IDO2: variants seen among roughly 807,000 people sequenced by gnomAD.
IDO2 encodes the protein indoleamine 2,3-dioxygenase 2.
A neutral mutation model predicts 45.1 loss-of-function variants in IDO2; 46 were observed. That is an observed-to-expected ratio of 1.02 (90% CI 0.80 to 1.30). The LOEUF is 1.30. Ranked by LOEUF, IDO2 falls within the 50% of genes most tolerant of loss-of-function variation. IDO2 has a pLI of 0.00. For missense variants in IDO2, 544 were observed against 491.8 expected (o/e 1.11, Z -1.00); for synonymous variants, 218 against 184.9 (o/e 1.18, Z -1.45).
intron 2 of IDO2, among the ~76,000 whole-genome samples, chr8:39,956,820 G>A (rs1004996976): frequency 6.6e-6 from 1 of 152,016 alleles, no homozygotes; most frequent in African/African-American, 2.4e-5. Context: ...GCTGAGGCGG[G>A]TGGATCACGA....
intron 9 of IDO2, among the ~76,000 whole-genome samples, chr8:40,010,208 C>T (rs906164595): frequency 6.6e-6 from 1 of 152,138 alleles, no homozygotes; most frequent in Non-Finnish European, 1.5e-5. Flanking sequence ...AGTGCCACAG[C>T]CCTCTATGAC....
intron 4 of IDO2, among the ~76,000 whole-genome samples, chr8:39,980,207 C>T (rs1472596312): frequency 6.6e-6 from 1 of 152,112 alleles, no homozygotes; most frequent in Non-Finnish European, 1.5e-5. Context: ...CTTCATAATC[C>T]TGTAAAGTAA....
intron 4 of IDO2, among the ~76,000 whole-genome samples, chr8:39,980,741 T>TCTTTTC (rs974600851): frequency 1.1e-4 from 17 of 152,052 alleles, no homozygotes; most frequent in Non-Finnish European, 2.1e-4. Context: ...TCAATGCATC[T>TCTTTTC]CTTTTCTTTT....
chr8:39,963,379 G>A (rs1340819664), intron 2 of IDO2, among the ~76,000 whole-genome samples: 12 of 152,182 alleles, frequency 7.9e-5, no homozygotes. Flanking sequence ...TTACTGCATT[G>A]GCATATATCT....
intron 7 of IDO2, among the ~76,000 whole-genome samples, 183 bp from the exon 8 acceptor site, chr8:39,989,538 G>C (rs1250845592): frequency 6.6e-6 from 1 of 152,154 alleles, no homozygotes; most frequent in African/African-American, 2.4e-5. Context: ...GGTCTGTCTG[G>C]GAGGTCCCCA....
At chr8:40,000,156 G>T (rs879474815) in intron 8 of IDO2, among the ~76,000 whole-genome samples, 1 of 152,152 alleles carries the variant, frequency 6.6e-6, no homozygotes, top group Non-Finnish European at 1.5e-5. Context: ...GATCACACCT[G>T]TAATCCCAGC....
intron 8 of IDO2, among the ~76,000 whole-genome samples, chr8:39,995,989 T>A (rs1802038627): frequency 1.3e-5 from 2 of 151,978 alleles, no homozygotes; most frequent in Non-Finnish European, 2.9e-5. Context: ...TTGTTTAATC[T>A]TCCCTGATTT....
chr8:39,979,377 G>T (rs1808308609), intron 4 of IDO2, among the ~76,000 whole-genome samples, 191 bp downstream of exon 4: 1 of 152,040 alleles, frequency 6.6e-6, no homozygotes, highest in Admixed American at 6.6e-5. Context: ...TTTATTTTGA[G>T]CCAGTCTCAC....
chr8:39,998,118 A>G, intron 8 of IDO2: 1 of 212,144 alleles, frequency 4.7e-6, no homozygotes, highest in South Asian at 8.6e-5. Flanking sequence ...CCTATGGTAG[A>G]CATGGCAAAG....
chr8:39,988,298 G>A (rs951948375), intron 7 of IDO2, among the ~76,000 whole-genome samples: 1 of 152,164 alleles, frequency 6.6e-6, no homozygotes, highest in African/African-American at 2.4e-5. Context: ...GATTAACGTG[G>A]ATTACAGGTG....
rs762968934 is a variant in IDO2, at chr8:40,013,696, G to A, written c.851G>A (p.Arg284His). 21 of 1,607,950 alleles carry A rather than the reference G, an allele frequency of 1.3e-5. 1 individual carries two copies. The highest frequency in any genetic ancestry group is 1.2e-4 in the South Asian group (11 of 90,384). ...GCCTTTGATGAGTTCTTAGGCATTC[G>A]TCATAGCAAGGAAAGTGGTAAGTCA... The change falls in exon 10 of 11, where the codon CGT (arginine) becomes CAT (histidine). Residue 284 changes from arginine to histidine, a missense_variant. Coordinates refer to ENST00000502986, the Ensembl canonical transcript of IDO2.
intron 3 of IDO2, among the ~76,000 whole-genome samples, chr8:39,968,129 T>A (rs1370963002): frequency 6.7e-6 from 1 of 149,912 alleles, no homozygotes; most frequent in African/African-American, 2.5e-5. Flanking sequence ...AACCGGGGAA[T>A]GAATAAACCA....
At chr8:39,943,319 C>G (rs1385642009) in intron 1 of IDO2, among the ~76,000 whole-genome samples, 1 of 151,976 alleles carries the variant, frequency 6.6e-6, no homozygotes, top group East Asian at 1.9e-4. Context: ...TGCAGTAAGC[C>G]GAGATTGTGC....
intron 3 of IDO2, among the ~76,000 whole-genome samples, chr8:39,978,715 C>T (rs1324153560): frequency 1.3e-5 from 2 of 152,036 alleles, no homozygotes; most frequent in East Asian, 1.9e-4. Flanking sequence ...ATGCAAGACT[C>T]CTAGGAAATA....
At chr8:39,947,139 G>C (rs577991876) in intron 1 of IDO2, among the ~76,000 whole-genome samples, 96 of 138,106 alleles carry the variant, frequency 7.0e-4, no homozygotes, top group African/African-American at 2.4e-3. Flanking sequence ...CTAACCAACA[G>C]GGGCAAAACT....
At chr8:39,963,618 C>A in exon 3 of IDO2, 1 of 1,603,888 alleles carries the variant, frequency 6.2e-7, no homozygotes, top group Non-Finnish European at 8.5e-7. Flanking sequence ...AAAGAACTTC[C>A]AGATCATTAT....
intron 9 of IDO2, among the ~76,000 whole-genome samples, chr8:40,012,285 A>T (rs1310536233): frequency 6.6e-6 from 1 of 152,212 alleles, no homozygotes; most frequent in East Asian, 1.9e-4. Context: ...TGGCTATAGG[A>T]GGAAAAGACG....
intron 8 of IDO2, among the ~76,000 whole-genome samples, chr8:39,994,864 C>G (rs1474279014): frequency 6.6e-6 from 1 of 152,030 alleles, no homozygotes; most frequent in Admixed American, 6.6e-5. Flanking sequence ...AAATACAACT[C>G]CTCACTTTAA....
At chr8:39,979,005 C>T in intron 3 of IDO2, 62 bp from the exon 4 acceptor site, 7 of 1,527,626 alleles carry the variant, frequency 4.6e-6, no homozygotes, top group Admixed American at 2.0e-5. Flanking sequence ...CCCCGGCCCC[C>T]GTTACCTCCC....
Sources: gnomAD v4.1 joint callset for allele counts (sites outside exome capture counted in the v4.1 genomes callset) on GRCh38, gnomAD v4.1.1 for gene constraint, MANE v1.5 for transcripts, NCBI Gene and HGNC (gene_info 2026-07-23, HGNC 2026-07-21) for gene names.